Variants in CERS3 observed in about 807,000 individuals in gnomAD.
CERS3 encodes ceramide synthase 3.
A neutral mutation model predicts 50.3 loss-of-function variants in CERS3; 33 were observed. The ratio of observed to expected loss-of-function variants is 0.66; its 90% CI spans 0.50 to 0.88. CERS3 has a LOEUF of 0.88. Ranked by LOEUF, CERS3 falls within the 40% of genes least tolerant of loss-of-function variation. CERS3 has a pLI of 0.00. For synonymous variants in CERS3, 176 were observed against 155.2 expected (o/e 1.13, Z -0.99); for missense variants, 470 against 460.3 (o/e 1.02, Z -0.19).
chr15:100,477,526 G>A (rs1468033030), intron 7 of CERS3, among the ~76,000 whole-genome samples: 1 of 152,042 alleles, frequency 6.6e-6, no homozygotes, highest in Non-Finnish European at 1.5e-5. Context: ...CAGAACCTGT[G>A]GAGTCAAGAT....
chr15:100,456,222 G>C (rs928365691), intron 10 of CERS3, among the ~76,000 whole-genome samples, 176 bp from the exon 11 acceptor site: 1 of 152,062 alleles, frequency 6.6e-6, no homozygotes, highest in African/African-American at 2.4e-5. Context: ...TTACTGGCAA[G>C]CAACAAAAAA....
intron 11 of CERS3, among the ~76,000 whole-genome samples, chr15:100,444,310 G>C (rs1450854219): frequency 2.0e-5 from 3 of 149,310 alleles, no homozygotes; most frequent in Non-Finnish European, 4.4e-5. Flanking sequence ...CTCACTCTTT[G>C]TTGAGTCTCC....
At chr15:100,448,538 C>G (rs372138148) in intron 11 of CERS3, among the ~76,000 whole-genome samples, 1 of 152,198 alleles carries the variant, frequency 6.6e-6, no homozygotes, top group Admixed American at 6.5e-5. Flanking sequence ...AAAAGCATTG[C>G]TCCATAGAAG....
rs138692527 is a variant in CERS3 at position 100,537,872 on chromosome 15, T to C, written c.-355+6779A>G. On this transcript the variant is annotated intron_variant, in intron 1 of 12. Transcript: ENST00000284382. Reference sequence around the variant, plus strand: ...TAACCCAAAAGTCCAAGTCCAAAGTTTCATCTGAGACAAGGCAAGTCCCTT... The same window carrying C: ...TAACCCAAAAGTCCAAGTCCAAAGTCTCATCTGAGACAAGGCAAGTCCCTT... Among the ~76,000 whole-genome samples the C allele has an allele frequency of 1.3e-3, 198 of 152,222 alleles. 1 individual carries two copies. Among genetic ancestry groups the C allele is most frequent in the African/African-American group, 4.3e-3 (179 of 41,518 alleles).
At position 100,479,654 on chromosome 15, in the gene CERS3, G is replaced by A. The variant is rs2035240952; in HGVS notation, c.466-176C>T. 2.0e-5 allele frequency among the ~76,000 whole-genome samples: 3 copies of A among 152,064 alleles called. No individual in the cohort carries two copies. The South Asian group carries it at 6.2e-4, about 31-fold the overall frequency. ...TTCTATTGCACGTATTTCTCCCTCT[G>A]TAGACTATTTCTTACATATTCCTAT... On this transcript the variant is annotated intron_variant, in intron 6 of 11. Transcript: ENST00000679737.
intron 11 of CERS3, among the ~76,000 whole-genome samples, chr15:100,418,014 C>T (rs796390678): frequency 1.4e-4 from 21 of 152,224 alleles, no homozygotes; most frequent in South Asian, 4.1e-4. Flanking sequence ...AACTCTAAAA[C>T]GCAGAGCACC....
chr15:100,411,804 A>G, intron 11 of CERS3, among the ~76,000 whole-genome samples: 1 of 151,994 alleles, frequency 6.6e-6, no homozygotes, highest in East Asian at 1.9e-4. Flanking sequence ...TAACCCTCCT[A>G]ATAGCTGTGA....
At chr15:100,531,072 A>C (rs993246678), upstream of CERS3, among the ~76,000 whole-genome samples, 1 of 152,196 alleles carries the variant, frequency 6.6e-6, no homozygotes, top group African/African-American at 2.4e-5. Context: ...TGACAGAGTG[A>C]GACTCCTGTC....
intron 11 of CERS3, among the ~76,000 whole-genome samples, chr15:100,450,184 G>C (rs1170119973): frequency 6.6e-6 from 1 of 152,102 alleles, no homozygotes; most frequent in Non-Finnish European, 1.5e-5. Flanking sequence ...ACTTTAGGAG[G>C]CCAAGGTGGG....
chr15:100,414,780 A>C (rs2031764520), intron 11 of CERS3, among the ~76,000 whole-genome samples: 1 of 151,204 alleles, frequency 6.6e-6, no homozygotes, highest in Admixed American at 6.6e-5. Context: ...AAATTAACTA[A>C]AGATGGATTG....
chr15:100,530,952 TG>T (rs2036923466), upstream of CERS3, among the ~76,000 whole-genome samples: 1 of 151,910 alleles, frequency 6.6e-6, no homozygotes, highest in Admixed American at 6.6e-5. Context: ...GGCATGGTGG[TG>T]GGCGCCTGTA....
intron 2 of CERS3, among the ~76,000 whole-genome samples, chr15:100,512,425 C>G (rs1223102529): frequency 1.3e-5 from 2 of 152,150 alleles, no homozygotes; most frequent in Non-Finnish European, 2.9e-5. Flanking sequence ...TGGCAGCGTG[C>G]CTCCAGGGAG....
intron 1 of CERS3, among the ~76,000 whole-genome samples, chr15:100,525,857 C>T (rs2142397969): frequency 6.6e-6 from 1 of 152,298 alleles, no homozygotes; most frequent in South Asian, 2.1e-4. Flanking sequence ...CTTTAGAATG[C>T]CTTCTTTCAT....
At chr15:100,525,232 A>C (rs2036751486) in intron 1 of CERS3, among the ~76,000 whole-genome samples, 1 of 152,134 alleles carries the variant, frequency 6.6e-6, no homozygotes, top group African/African-American at 2.4e-5. Context: ...TAAATATTTA[A>C]CTCAGAAAAC....
chr15:100,419,062 A>C (rs2032196893), intron 11 of CERS3, among the ~76,000 whole-genome samples: 1 of 114,626 alleles, frequency 8.7e-6, no homozygotes, highest in Non-Finnish European at 1.9e-5. Flanking sequence ...TAATGACAGG[A>C]TCAAATTCAC....
chr15:100,459,646 T>G (rs2034487758), intron 10 of CERS3, among the ~76,000 whole-genome samples: 1 of 152,158 alleles, frequency 6.6e-6, no homozygotes. Context: ...ATAGCTAAAA[T>G]CCTGAATCAA....
intron 10 of CERS3, among the ~76,000 whole-genome samples, chr15:100,465,310 T>C (rs2034677199): frequency 1.3e-5 from 2 of 152,170 alleles, no homozygotes; most frequent in South Asian, 2.1e-4. Context: ...TACATTTGGA[T>C]AGAATAAAGC....
chr15:100,424,887 C>A (rs563998016), intron 11 of CERS3, among the ~76,000 whole-genome samples: 6 of 152,254 alleles, frequency 3.9e-5, no homozygotes, highest in East Asian at 1.9e-4. Flanking sequence ...TGTTAATAGC[C>A]AAGACAATGG....
At chr15:100,461,407 T>C (rs910452661) in intron 10 of CERS3, among the ~76,000 whole-genome samples, 8 of 152,116 alleles carry the variant, frequency 5.3e-5, no homozygotes, top group Non-Finnish European at 2.9e-5. Context: ...GCCAGTGGAA[T>C]TGGCGCTGGA....
Sources: gnomAD v4.1 joint callset for allele counts (sites outside exome capture counted in the v4.1 genomes callset) on GRCh38, gnomAD v4.1.1 for gene constraint, MANE v1.5 for transcripts, NCBI Gene and HGNC (gene_info 2026-07-23, HGNC 2026-07-21) for gene names.